The following SYNE1 variants were observed in gnomAD, a reference collection of about 807,000 sequenced individuals.
SYNE1 encodes spectrin repeat containing nuclear envelope protein 1, also known as nesprin-1.
SYNE1 carries 616 observed loss-of-function variants against 1,111.0 expected under a neutral mutation model. The observed-to-expected ratio is 0.55, with a 90% CI of 0.52 to 0.59. The LOEUF is 0.59. Among genes scored for constraint, SYNE1 ranks in the 20% least tolerant of loss-of-function variants. The pLI is 0.00. For missense variants in SYNE1, 10,006 were observed against 10,417.0 expected, an observed-to-expected ratio of 0.96 and a Z score of 1.72; for synonymous variants, 3,855 against 3,825.8, an observed-to-expected ratio of 1.01 and a Z score of -0.28.
chr6:152,207,364 G>T (rs966187640), intron 125 of SYNE1, among the ~76,000 whole-genome samples: 2 of 152,294 alleles, frequency 1.3e-5, no homozygotes, highest in Non-Finnish European at 2.9e-5. Context: ...ATGACCAGAA[G>T]ATATGAATAT....
At position 152,122,424 on chromosome 6, in the gene SYNE1, C is replaced by T; in HGVS notation, c.*12G>A. 6.2e-7 allele frequency: 1 copy of T among 1,614,082 alleles called. No homozygotes were observed. The highest frequency in any genetic ancestry group is 8.5e-7 in the Non-Finnish European group (1 of 1,180,046). ...ATGCTACCAGCACTTCTGCAGATGG[C>T]ATCTGCTTAGTTCAGAGTGGAGGAG... On this transcript the variant is annotated 3_prime_UTR_variant, in exon 146 of 146. Transcript: ENST00000367255.
At chr6:152,601,606 T>A (rs2099596292) in intron 3 of SYNE1, among the ~76,000 whole-genome samples, 1 of 152,062 alleles carries the variant, frequency 6.6e-6, no homozygotes, top group African/African-American at 2.4e-5. Context: ...TGGGTAAAAA[T>A]GAAGTTCAGG....
At chr6:152,263,042 T>C (rs2092247325) in intron 100 of SYNE1, among the ~76,000 whole-genome samples, 1 of 146,114 alleles carries the variant, frequency 6.8e-6, no homozygotes, top group African/African-American at 2.6e-5. Context: ...CCTGGGAAGG[T>C]AGTACAGGAC....
At chr6:152,468,146 C>T (rs902687236) in intron 16 of SYNE1, among the ~76,000 whole-genome samples, 22 of 151,950 alleles carry the variant, frequency 1.4e-4, no homozygotes, top group African/African-American at 4.8e-4. Flanking sequence ...TGTTAGTGAC[C>T]GCATTTCTAC....
At chr6:152,536,455 T>TTATATATA (rs200097957) in intron 4 of SYNE1, among the ~76,000 whole-genome samples, 2 of 123,220 alleles carry the variant, frequency 1.6e-5, no homozygotes, top group African/African-American at 5.5e-5. Flanking sequence ...TAATATATAT[T>TTATATATA]TATATATATA....
chr6:152,391,681 A>G, intron 51 of SYNE1, 113 bp from the exon 52 acceptor site: 1 of 1,244,374 alleles, frequency 8.0e-7, no homozygotes, highest in Non-Finnish European at 1.1e-6. Flanking sequence ...ACAGGCTCAT[A>G]GCTGACATGC....
At chr6:152,551,432 A>G (rs1293986340) in intron 3 of SYNE1, among the ~76,000 whole-genome samples, 1 of 152,140 alleles carries the variant, frequency 6.6e-6, no homozygotes, top group Non-Finnish European at 1.5e-5. Flanking sequence ...TATTTGATTC[A>G]CTAATTTAAT....
At chr6:152,139,895 C>A in intron 140 of SYNE1, 55 bp downstream of exon 140, 1 of 1,584,362 alleles carries the variant, frequency 6.3e-7, no homozygotes, top group South Asian at 1.1e-5. Context: ...TCTGCACGGT[C>A]GTTCACGCGG....
At chr6:152,364,038 A>G (rs190549848) in intron 63 of SYNE1, among the ~76,000 whole-genome samples, 12 of 152,244 alleles carry the variant, frequency 7.9e-5, no homozygotes, top group Admixed American at 5.9e-4. Flanking sequence ...GAGGGACCCA[A>G]TGGGAGGTAA....
chr6:152,154,524 G>T (rs904723328), intron 133 of SYNE1, among the ~76,000 whole-genome samples: 1 of 151,138 alleles, frequency 6.6e-6, no homozygotes, highest in African/African-American at 2.4e-5. Context: ...GTATGTGGAA[G>T]GTAGATTTTT....
chr6:152,276,596 CG>C (rs925273084), intron 98 of SYNE1, among the ~76,000 whole-genome samples: 8 of 141,144 alleles, frequency 5.7e-5, no homozygotes, highest in South Asian at 2.2e-4. Flanking sequence ...ATGAAGTTTC[CG>C]TTAACAATAT....
intron 48 of SYNE1, among the ~76,000 whole-genome samples, chr6:152,399,260 A>G (rs1392996524): frequency 6.6e-6 from 1 of 152,148 alleles, no homozygotes; most frequent in East Asian, 1.9e-4. Flanking sequence ...GTGTCACTTC[A>G]TCATAGCATA....
chr6:152,473,841 A>G (rs1320304203), intron 14 of SYNE1, among the ~76,000 whole-genome samples: 1 of 152,146 alleles, frequency 6.6e-6, no homozygotes, highest in African/African-American at 2.4e-5. Context: ...TACTATATTG[A>G]AAAAGTCTTT....
At position 152,153,407 on chromosome 6, in the gene SYNE1, A is replaced by G. The variant is rs1378359360; in HGVS notation, c.24130-1266T>C. On this transcript the variant is annotated intron_variant, in intron 133 of 145. Transcript: ENST00000367255. The stretch of plus-strand genomic sequence containing the variant: ...CCAGCTAAAGACTGCCCCCAAGCAC[A>G]ACTTCGTTTCTGCAATTCATTTCTG... Among the ~76,000 whole-genome samples, 3 of 152,228 alleles carry G rather than the reference A, an allele frequency of 2.0e-5. No homozygotes were observed. The East Asian group carries it at 5.8e-4, about 29-fold the overall frequency.
intron 3 of SYNE1, chr6:152,546,581 G>A (rs543794687): frequency 2.6e-5 from 4 of 152,294 alleles, no homozygotes; most frequent in African/African-American, 9.6e-5. Context: ...TAAGATCCTC[G>A]TGAATAAGAA....
At chr6:152,278,921 C>T (rs534016147) in intron 97 of SYNE1, among the ~76,000 whole-genome samples, 1 of 152,016 alleles carries the variant, frequency 6.6e-6, no homozygotes, top group South Asian at 2.1e-4. Flanking sequence ...ACATGTGACA[C>T]CACACCTGGC....
At chr6:152,533,651 C>A (rs2099216947) in intron 4 of SYNE1, among the ~76,000 whole-genome samples, 1 of 152,080 alleles carries the variant, frequency 6.6e-6, no homozygotes, top group South Asian at 2.1e-4. Flanking sequence ...ACTTATCTCC[C>A]TCCTTCTGCC....
At chr6:152,394,488 CA>C (rs1474823641) in intron 51 of SYNE1, among the ~76,000 whole-genome samples, 1 of 152,050 alleles carries the variant, frequency 6.6e-6, no homozygotes, top group Non-Finnish European at 1.5e-5. Context: ...GGAGAGCAAG[CA>C]AATGAAAATG....
Position 152,390,461 on chromosome 6 carries a change from G to A in SYNE1, c.8005-9C>T. The A allele has an allele frequency of 6.2e-7, 1 of 1,613,800 alleles. No individual in the cohort carries two copies. The highest frequency in any genetic ancestry group is 8.5e-7 in the Non-Finnish European group (1 of 1,179,890). On this transcript the variant is annotated splice_polypyrimidine_tract_variant and intron_variant, in intron 52 of 145. Transcript: ENST00000367255. Reference sequence around the variant, plus strand: ...TTCATCAGGAGAATATCCTGGGAAGGAAGAAAGAATACTCATCAGTAGGCA... The same window carrying A: ...TTCATCAGGAGAATATCCTGGGAAGAAAGAAAGAATACTCATCAGTAGGCA...
Sources: allele counts gnomAD v4.1 joint callset (sites outside exome capture counted in the v4.1 genomes callset), GRCh38; gene constraint gnomAD v4.1.1; transcripts MANE v1.5; gene names NCBI Gene and HGNC (gene_info 2026-07-23, HGNC 2026-07-21).